RGS7: variants seen among roughly 807,000 people sequenced by gnomAD.
RGS7 encodes the protein regulator of G protein signaling 7.
RGS7 carries 27 observed loss-of-function variants against 81.1 expected under a neutral mutation model. That is an observed-to-expected ratio of 0.33 (90% CI 0.25 to 0.46). The LOEUF (loss-of-function observed/expected upper bound fraction) is 0.46, where lower values mean the gene tolerates loss of function less well. Among genes scored for constraint, RGS7 ranks in the 20% least tolerant of loss-of-function variants. The pLI is 1.00. For missense variants in RGS7, 396 were observed against 607.4 expected (o/e 0.65, Z 3.66); for synonymous variants, 208 against 207.7 (o/e 1.00, Z -0.01).
intron 3 of RGS7, among the ~76,000 whole-genome samples, chr1:241,002,909 A>G (rs2058482668): frequency 1.3e-5 from 2 of 152,254 alleles, no homozygotes; most frequent in Admixed American, 6.5e-5. Flanking sequence ...TACATTCGTA[A>G]CATGAAAACA....
At chr1:241,089,500 T>G (rs2502422) in intron 3 of RGS7, among the ~76,000 whole-genome samples, 6 of 151,430 alleles carry the variant, frequency 4.0e-5, no homozygotes, top group Non-Finnish European at 5.9e-5. Context: ...TAAAATGAAA[T>G]ACAGTCAGAG....
At chr1:241,277,722 C>T (rs1404714345) in intron 2 of RGS7, among the ~76,000 whole-genome samples, 1 of 152,050 alleles carries the variant, frequency 6.6e-6, no homozygotes, top group African/African-American at 2.4e-5. Context: ...CTCTAACCAT[C>T]ACTTGTGCGT....
chr1:240,827,175 G>A lies in RGS7; in HGVS notation c.610-3C>T. On this transcript the variant is annotated splice_region_variant and splice_polypyrimidine_tract_variant and intron_variant, in intron 9 of 18. Transcript: ENST00000440928. Reference sequence around the variant, plus strand: ...TCAGTTGTATTTACACATCCAGGCTGGGAATGGAAAAACAGAGAGACAAAT... The same window carrying A: ...TCAGTTGTATTTACACATCCAGGCTAGGAATGGAAAAACAGAGAGACAAAT... 2 of 1,610,832 alleles carry A rather than the reference G, an allele frequency of 1.2e-6. No individual in the cohort carries two copies. The highest frequency in any genetic ancestry group is 1.7e-6 in the Non-Finnish European group (2 of 1,177,012).
At chr1:240,930,854 C>T in intron 5 of RGS7, 86 bp from the exon 6 acceptor site, 2 of 1,235,448 alleles carry the variant, frequency 1.6e-6, no homozygotes, top group Non-Finnish European at 2.4e-6. Context: ...TTATCTTCCA[C>T]AATTCTCTAT....
intron 2 of RGS7, among the ~76,000 whole-genome samples, chr1:241,331,235 C>G (rs1254764707): frequency 4.6e-5 from 7 of 152,110 alleles, no homozygotes; most frequent in Admixed American, 1.3e-4. Flanking sequence ...ACCACAAGGT[C>G]TGCAAAACCT....
intron 2 of RGS7, among the ~76,000 whole-genome samples, chr1:241,221,213 A>G (rs2074991342): frequency 6.6e-6 from 1 of 152,204 alleles, no homozygotes; most frequent in Admixed American, 6.5e-5. Context: ...AAAGAAAAAG[A>G]GACATGAATC....
intron 2 of RGS7, among the ~76,000 whole-genome samples, chr1:241,124,607 A>G (rs2103010944): frequency 6.6e-6 from 1 of 152,330 alleles, no homozygotes; most frequent in South Asian, 2.1e-4. Context: ...CTGTGGAGGC[A>G]TTAGATGGAA....
chr1:240,956,871 C>T (rs1417299760), intron 4 of RGS7, among the ~76,000 whole-genome samples: 1 of 151,478 alleles, frequency 6.6e-6, no homozygotes, highest in East Asian at 1.9e-4. Context: ...AAACGTTAAA[C>T]AAATCCTAAT....
At chr1:241,021,591 T>G (rs2059539006) in intron 3 of RGS7, among the ~76,000 whole-genome samples, 1 of 152,136 alleles carries the variant, frequency 6.6e-6, no homozygotes, top group Non-Finnish European at 1.5e-5. Context: ...CTGAGTGTCA[T>G]GTGGACTGTT....
intron 4 of RGS7, among the ~76,000 whole-genome samples, chr1:240,965,003 A>G (rs1215630321): frequency 6.6e-6 from 1 of 152,210 alleles, no homozygotes; most frequent in Non-Finnish European, 1.5e-5. Context: ...TTTATCAGAT[A>G]CGTTGATGGT....
intron 2 of RGS7, among the ~76,000 whole-genome samples, chr1:241,329,396 G>A (rs2081824187): frequency 6.6e-6 from 1 of 152,186 alleles, no homozygotes; most frequent in Non-Finnish European, 1.5e-5. Context: ...TCAGTTGGTT[G>A]CTTACGGAGT....
At chr1:241,125,890 G>C (rs1050865429) in intron 2 of RGS7, among the ~76,000 whole-genome samples, 1 of 151,984 alleles carries the variant, frequency 6.6e-6, no homozygotes, top group African/African-American at 2.4e-5. Flanking sequence ...AGTAATCCTT[G>C]CAGCTTCCCC....
chr1:241,301,972 T>C (rs2079788455), intron 2 of RGS7, among the ~76,000 whole-genome samples: 1 of 152,214 alleles, frequency 6.6e-6, no homozygotes, highest in African/African-American at 2.4e-5. Context: ...ATGTCAAATA[T>C]GTTAGAAAAT....
intron 2 of RGS7, among the ~76,000 whole-genome samples, chr1:241,224,946 C>T (rs2075229928): frequency 6.6e-6 from 1 of 152,060 alleles, no homozygotes; most frequent in South Asian, 2.1e-4. Context: ...CCTGCACTCA[C>T]AGCATGATAA....
chr1:240,900,124 T>C lies in RGS7; in HGVS notation c.386-30005A>G, dbSNP rs1669737874. ...TGTCACGTAGTTCTCATGCCACGGT[T>C]TTCAGCTACATCAGGTCATTTAAGG... On this transcript the variant is annotated intron_variant, in intron 6 of 18. Transcript: ENST00000440928. Among the ~76,000 whole-genome samples, 3 of 152,326 alleles carry C rather than the reference T, an allele frequency of 2.0e-5. No homozygotes were observed. In the South Asian group the frequency reaches 6.2e-4, roughly 32 times the overall value.
intron 4 of RGS7, among the ~76,000 whole-genome samples, chr1:240,962,018 T>C (rs80159624): frequency 0.041 from 6,178 of 152,172 alleles, 161 homozygotes; most frequent in South Asian, 0.097. Context: ...TGCGACCTTA[T>C]TGCAATTTGC....
At chr1:241,298,369 G>C (rs1332491132) in intron 2 of RGS7, among the ~76,000 whole-genome samples, 2 of 152,146 alleles carry the variant, frequency 1.3e-5, no homozygotes, top group African/African-American at 4.8e-5. Flanking sequence ...AGACTTTGCT[G>C]GAACTTGTAT....
intron 9 of RGS7, among the ~76,000 whole-genome samples, chr1:240,863,625 A>G (rs973576823): frequency 1.3e-5 from 2 of 152,192 alleles, no homozygotes; most frequent in African/African-American, 2.4e-5. Context: ...TGTATATTGT[A>G]TAAACATCCC....
chr1:241,147,778 TTTTATATATA>T (rs1403422174), intron 2 of RGS7, among the ~76,000 whole-genome samples: 3 of 19,410 alleles, frequency 1.5e-4, no homozygotes, highest in African/African-American at 4.0e-4. Flanking sequence ...CTAGATTAAG[TTTTATATATA>T]TATATATATA....
Sources: allele counts gnomAD v4.1 joint callset (sites outside exome capture counted in the v4.1 genomes callset), GRCh38; gene constraint gnomAD v4.1.1; transcripts MANE v1.5; gene names NCBI Gene and HGNC (gene_info 2026-07-23, HGNC 2026-07-21).